CNTN4: variants seen among roughly 807,000 people sequenced by gnomAD.
The protein encoded by CNTN4 is contactin 4, also known as contactin-4.
Under a neutral mutation model 122.5 loss-of-function variants are expected in CNTN4, and 77 were observed. That is an observed-to-expected ratio of 0.63 (90% confidence interval 0.52 to 0.76). The LOEUF is 0.76. Ranked by LOEUF, CNTN4 falls within the 30% of genes least tolerant of loss-of-function variation. The pLI, the probability that CNTN4 is intolerant of heterozygous loss-of-function variation, is 0.00. For synonymous variants in CNTN4, 512 were observed against 447.0 expected (o/e 1.15, Z -1.83); for missense variants, 1,256 against 1,259.1 (o/e 1.00, Z 0.04).
chr3:2,362,269 C>T lies in CNTN4; in HGVS notation c.-89+23036C>T, dbSNP rs553173255. On this transcript the variant is annotated intron_variant, in intron 3 of 24. Coordinates refer to ENST00000418658, the MANE Select transcript of CNTN4 (RefSeq NM_175607.3). ...CCAGCTCTGGCAAGATGGTGGTGGC[C>T]GTGGTGCTGGCAGCTGGGTTGTGCC... The T allele has an allele frequency of 1.4e-4, 26 of 181,666 alleles. No homozygotes were observed. In the East Asian group the frequency reaches 2.6e-3, roughly 18 times the overall value. The allele number at this position is 181,666 out of a possible 1,614,324, so 11.3% of individuals were successfully genotyped here. A position where few individuals can be genotyped will look rare whatever the true frequency, so the allele number is the denominator to read the frequency against.
intron 6 of CNTN4, among the ~76,000 whole-genome samples, chr3:2,795,613 C>G (rs574180252): frequency 6.6e-6 from 1 of 151,568 alleles, no homozygotes; most frequent in South Asian, 2.1e-4. Context: ...CTCTGCCTCC[C>G]GGGTTCACGC....
chr3:2,115,187 G>A (rs916062937), intron 2 of CNTN4, among the ~76,000 whole-genome samples: 4 of 152,156 alleles, frequency 2.6e-5, no homozygotes, highest in Non-Finnish European at 5.9e-5. Context: ...CTCCTCATAC[G>A]TAGAATCTTG....
At chr3:2,412,344 C>T (rs748550356) in intron 3 of CNTN4, among the ~76,000 whole-genome samples, 3 of 151,940 alleles carry the variant, frequency 2.0e-5, no homozygotes, top group African/African-American at 7.3e-5. Flanking sequence ...CTCCTCCTCC[C>T]GGGTTCAAGT....
At chr3:2,504,214 G>A (rs989225693) in intron 3 of CNTN4, among the ~76,000 whole-genome samples, 2 of 152,048 alleles carry the variant, frequency 1.3e-5, no homozygotes, top group African/African-American at 2.4e-5. Flanking sequence ...GGGATGTCTC[G>A]TTTTCAGTTT....
At chr3:2,848,051 G>C (rs1232880496) in intron 7 of CNTN4, among the ~76,000 whole-genome samples, 1 of 152,098 alleles carries the variant, frequency 6.6e-6, no homozygotes, top group Non-Finnish European at 1.5e-5. Flanking sequence ...CTGAACCCAG[G>C]AGCCTGGTCA....
chr3:2,611,921 A>T (rs1485677575), intron 4 of CNTN4, among the ~76,000 whole-genome samples: 1 of 152,038 alleles, frequency 6.6e-6, no homozygotes, highest in African/African-American at 2.4e-5. Context: ...TTATGGTGAG[A>T]CACACTACTA....
At chr3:2,512,358 T>A (rs939835522) in intron 3 of CNTN4, among the ~76,000 whole-genome samples, 3 of 152,050 alleles carry the variant, frequency 2.0e-5, no homozygotes, top group Non-Finnish European at 2.9e-5. Context: ...TAATGTGAAT[T>A]AAAAAAACAA....
At chr3:2,740,816 A>G (rs2089416970) in intron 5 of CNTN4, among the ~76,000 whole-genome samples, 1 of 152,202 alleles carries the variant, frequency 6.6e-6, no homozygotes, top group Non-Finnish European at 1.5e-5. Flanking sequence ...CATTGTATTC[A>G]AGTTAAAGGA....
At chr3:2,477,458 A>G (rs567847138) in intron 3 of CNTN4, among the ~76,000 whole-genome samples, 1 of 152,282 alleles carries the variant, frequency 6.6e-6, no homozygotes, top group South Asian at 2.1e-4. Context: ...CAATTATAAC[A>G]ACCTTACAAA....
intron 6 of CNTN4, among the ~76,000 whole-genome samples, chr3:2,773,127 T>TG (rs61218755): frequency 0.067 from 10,164 of 150,884 alleles, 390 homozygotes; most frequent in Non-Finnish European, 0.089. Context: ...AATCTTTTGG[T>TG]GGGGGGGGTT....
At chr3:2,789,540 C>A (rs1474631500) in intron 6 of CNTN4, among the ~76,000 whole-genome samples, 1 of 152,208 alleles carries the variant, frequency 6.6e-6, no homozygotes, top group African/African-American at 2.4e-5. Flanking sequence ...TCAAGTGATT[C>A]TTCTGCCTCA....
chr3:2,715,250 T>C (rs1293909218), intron 4 of CNTN4, among the ~76,000 whole-genome samples: 2 of 152,024 alleles, frequency 1.3e-5, no homozygotes, highest in African/African-American at 4.8e-5. Flanking sequence ...AAAAGGAAAA[T>C]GAATTGTGAA....
intron 2 of CNTN4, among the ~76,000 whole-genome samples, chr3:2,108,605 C>A (rs2032671817): frequency 1.3e-5 from 2 of 152,128 alleles, no homozygotes; most frequent in African/African-American, 4.8e-5. Context: ...CTTACCAATC[C>A]TAGATCCATT....
intron 2 of CNTN4, among the ~76,000 whole-genome samples, chr3:2,104,375 A>G (rs80070613): frequency 6.6e-6 from 1 of 152,112 alleles, no homozygotes; most frequent in African/African-American, 2.4e-5. Context: ...ACATGAGCAG[A>G]TAAGCTCTTA....
chr3:3,037,295 C>T lies in CNTN4; in HGVS notation c.2059C>T (p.Arg687Cys), dbSNP rs896789494. Residue 687 changes from arginine (R) to cysteine (C), a missense_variant, in exon 18 of 25, where the codon CGC becomes TGC. Coordinates refer to ENST00000418658, the MANE Select transcript of CNTN4 (RefSeq NM_175607.3). ...CGTGATTGGGATTGGGGAGCCCAGC[C>T]GCCCCTCAGAGAAACGGAGAACAGA... ...ANVIGIGEPSRPSEKRRTEEA... is the reference protein window; with the variant it reads ...ANVIGIGEPSCPSEKRRTEEA... 1.2e-5 allele frequency: 19 copies of T among 1,614,042 alleles called. No individual in the cohort carries two copies. Among genetic ancestry groups the T allele is most frequent in the South Asian group, 5.5e-5 (5 of 91,082 alleles).
chr3:2,153,319 A>G (rs753285188), intron 2 of CNTN4, among the ~76,000 whole-genome samples: 1 of 152,210 alleles, frequency 6.6e-6, no homozygotes, highest in Non-Finnish European at 1.5e-5. Flanking sequence ...AAGAGGAGCA[A>G]CCCATGAGGA....
intron 4 of CNTN4, among the ~76,000 whole-genome samples, chr3:2,658,716 G>A (rs1006969970): frequency 1.3e-5 from 2 of 152,114 alleles, no homozygotes; most frequent in Non-Finnish European, 2.9e-5. Context: ...TGGGAAGTGA[G>A]TAGTAGTATT....
rs183814271 is a variant in CNTN4 at position 2,751,077 on chromosome 3, G to A, written c.358+5380G>A. On this transcript the variant is annotated intron_variant, in intron 6 of 24. Coordinates refer to ENST00000418658, the MANE Select transcript of CNTN4 (RefSeq NM_175607.3). Reference sequence around the variant, plus strand: ...AGCCCTTTGGGAGGCCGAGGCGAGTGGATCACGAGGTCAGGAGATTGAGAC... The same window carrying A: ...AGCCCTTTGGGAGGCCGAGGCGAGTAGATCACGAGGTCAGGAGATTGAGAC... 9.9e-3 allele frequency among the ~76,000 whole-genome samples: 1,513 copies of A among 152,124 alleles called. 10 individuals are homozygous for A. The highest frequency in any genetic ancestry group is 0.015 in the Non-Finnish European group (999 of 68,002).
chr3:2,647,372 A>ACTCAT (rs1296959598), intron 4 of CNTN4, among the ~76,000 whole-genome samples: 3 of 146,504 alleles, frequency 2.0e-5, no homozygotes, highest in Non-Finnish European at 3.0e-5. Flanking sequence ...CGAGAGCGAA[A>ACTCAT]CTCATCTCAT....
Sources: gnomAD v4.1 joint callset for allele counts (sites outside exome capture counted in the v4.1 genomes callset) on GRCh38, gnomAD v4.1.1 for gene constraint, MANE v1.5 for transcripts, NCBI Gene and HGNC (gene_info 2026-07-23, HGNC 2026-07-21) for gene names.